MATN1: variants seen among roughly 807,000 people sequenced by gnomAD.
MATN1 encodes matrilin 1.
A neutral mutation model predicts 41.3 loss-of-function variants in MATN1; 34 were observed. The ratio of observed to expected loss-of-function variants is 0.82; its 90% CI spans 0.63 to 1.10. The LOEUF is 1.10. Ranked by LOEUF, MATN1 falls within the 50% of genes least tolerant of loss-of-function variation. The pLI is 0.00. For synonymous variants in MATN1, 264 were observed against 278.7 expected, an observed-to-expected ratio of 0.95 and a Z score of 0.53; for missense variants, 602 against 662.4, an observed-to-expected ratio of 0.91 and a Z score of 1.00.
chr1:30,716,728 G>A (rs2124153708), intron 4 of MATN1, 62 bp downstream of exon 4: 1 of 1,589,316 alleles, frequency 6.3e-7, no homozygotes, highest in Non-Finnish European at 8.6e-7. Flanking sequence ...GGTTTCCTGG[G>A]GAGGCCCCAT....
chr1:30,718,773 A>T lies in MATN1; in HGVS notation c.626T>A (p.Ile209Asn), dbSNP rs775020233. Residue 209 changes from isoleucine (I) to asparagine (N), a missense_variant, in exon 3 of 8, where the codon ATC becomes AAC. By Grantham distance (149) the Ile-to-Asn change is moderately radical. Coordinates refer to ENST00000373765, the MANE Select transcript of MATN1 (RefSeq NM_002379.3). ...CTGGAACTTCCTGGACAGCTTCTCG[A>T]TGACGCTGTAGCTCTCCACGTAATC... Reference protein sequence around the residue: ...HVDYVESYSVIEKLSRKFQEA... With the variant: ...HVDYVESYSVNEKLSRKFQEA... 8 of 1,602,556 alleles carry T rather than the reference A, an allele frequency of 5.0e-6. No homozygotes were observed. In the South Asian group the frequency reaches 8.9e-5, roughly 18 times the overall value.
At chr1:30,717,731 T>C (rs1339456400) in intron 3 of MATN1, among the ~76,000 whole-genome samples, 2 of 145,560 alleles carry the variant, frequency 1.4e-5, no homozygotes, top group African/African-American at 5.1e-5. Flanking sequence ...CTCGGCTCAC[T>C]GCAAGCTCCG....
chr1:30,713,799 G>C (rs1639583341), intron 7 of MATN1, 168 bp from the exon 8 acceptor site: 3 of 657,836 alleles, frequency 4.6e-6, no homozygotes, highest in Non-Finnish European at 8.3e-6. Flanking sequence ...AACACAGCCA[G>C]TTACTGTGAG....
At position 30,721,759 on chromosome 1, in the gene MATN1, TGG is replaced by T; in HGVS notation, c.95-10_95-9del. 6.2e-7 allele frequency: 1 copy of T among 1,602,578 alleles called. No homozygotes were observed. Among genetic ancestry groups the T allele is most frequent in the Non-Finnish European group, 8.5e-7 (1 of 1,176,696 alleles). ...GCGTCCGGCAGAGATGGCCTGGGAGTGGGGCAGGAGGGGTAAGGCAGAGAGCA... is the reference window on the plus strand; with the variant it reads ...GCGTCCGGCAGAGATGGCCTGGGAGTGGCAGGAGGGGTAAGGCAGAGAGCA... On this transcript the variant is annotated splice_polypyrimidine_tract_variant and intron_variant, in intron 1 of 7. Coordinates refer to ENST00000373765, the MANE Select transcript of MATN1 (RefSeq NM_002379.3).
At position 30,717,642 on chromosome 1, in the gene MATN1, G is replaced by GTTT. The variant is rs751915676; in HGVS notation, c.665-730_665-728dup. On this transcript the variant is annotated intron_variant, in intron 3 of 7. Coordinates refer to ENST00000373765, the MANE Select transcript of MATN1 (RefSeq NM_002379.3). ...GGCTCTGTTGTTTTTTGTGTGTGCG[G>GTTT]TTTTTTTTTTTGTTTTGTTTTTTTT... Among the ~76,000 whole-genome samples the GTTT allele has an allele frequency of 8.6e-3, 950 of 109,832 alleles. 136 individuals carry two copies. Among genetic ancestry groups the GTTT allele is most frequent in the African/African-American group, 0.033 (762 of 22,964 alleles). 72.1% of individuals were successfully genotyped at this position (109,832 alleles called of 152,430 possible).
intron 4 of MATN1, 91 bp from the exon 5 acceptor site, chr1:30,716,416 T>G: frequency 1.5e-5 from 20 of 1,298,086 alleles, no homozygotes; most frequent in South Asian, 2.7e-5. Context: ...CACCAAGCTC[T>G]GTGCTGAGGA....
At chr1:30,715,547 T>C (rs1437132655) in intron 5 of MATN1, among the ~76,000 whole-genome samples, 65 of 152,226 alleles carry the variant, frequency 4.3e-4, no homozygotes, top group Non-Finnish European at 1.5e-4. Flanking sequence ...CAAGCTTCAT[T>C]TAACCCTAAT....
At chr1:30,722,703 A>G (rs1276908565) in intron 1 of MATN1, among the ~76,000 whole-genome samples, 1 of 152,184 alleles carries the variant, frequency 6.6e-6, no homozygotes, top group Non-Finnish European at 1.5e-5. Context: ...AGCAGAGCCA[A>G]TCCCAAAGAG....
At chr1:30,719,157 T>C in intron 2 of MATN1, 200 bp from the exon 3 acceptor site, 1 of 513,738 alleles carries the variant, frequency 1.9e-6, no homozygotes, top group Non-Finnish European at 3.4e-6. Flanking sequence ...TTCCATCTGC[T>C]TCGCCTCCCT....
chr1:30,721,302 C>A, intron 2 of MATN1, 103 bp downstream of exon 2: 1 of 1,168,580 alleles, frequency 8.6e-7, no homozygotes, highest in African/African-American at 1.5e-5. Context: ...GAAATGGCCA[C>A]CTCACGGGGC....
At chr1:30,722,079 G>A (rs528606557) in intron 1 of MATN1, among the ~76,000 whole-genome samples, 79 of 152,240 alleles carry the variant, frequency 5.2e-4, no homozygotes, top group Non-Finnish European at 9.7e-4. Flanking sequence ...CCAGCAGGGG[G>A]CCAGGCAAGC....
intron 2 of MATN1, chr1:30,719,454 C>A: frequency 6.4e-6 from 1 of 156,414 alleles, no homozygotes; most frequent in Non-Finnish European, 1.4e-5. Context: ...CTGTCCTTGT[C>A]CCGGTAAGAC....
At chr1:30,723,350 C>G in intron 1 of MATN1, 108 bp downstream of exon 1, 1 of 817,758 alleles carries the variant, frequency 1.2e-6, no homozygotes, top group East Asian at 3.3e-5. Flanking sequence ...CTGCTCCCTT[C>G]CCCATCCTGG....
At position 30,716,300 on chromosome 1, in the gene MATN1, C is replaced by T. The variant is rs1261655244; in HGVS notation, c.816G>A (p.Ser272=). ...CAATGAGGAAGACCAGGTCAGTGGC[C>T]GAGCTGCCACCACCACCACTGCAGA... ...CNVCSGGGGS[S]ATDLVFLIDG... is the part of the protein sequence containing the mutation. Residue 272 remains serine, a synonymous_variant, in exon 5 of 8, where the codon TCG becomes TCA. Transcript: ENST00000373765. The T allele has an allele frequency of 8.7e-6, 14 of 1,613,684 alleles. No homozygotes were observed. Among genetic ancestry groups the T allele is most frequent in the East Asian group, 4.5e-5 (2 of 44,894 alleles).
At chr1:30,713,708 T>C in intron 7 of MATN1, 77 bp from the exon 8 acceptor site, 1 of 1,107,962 alleles carries the variant, frequency 9.0e-7, no homozygotes, top group Non-Finnish European at 1.3e-6. Context: ...CTCAGGCCCC[T>C]GCAACACCCC....
chr1:30,713,473 C>A lies in MATN1; in HGVS notation c.*109G>T. 2.7e-6 allele frequency: 3 copies of A among 1,097,496 alleles called. No homozygotes were observed. The highest frequency in any genetic ancestry group is 4.0e-5 in the Admixed American group (2 of 49,956). The allele number at this position is 1,097,496 out of a possible 1,614,324, so 68.0% of individuals were successfully genotyped here. The stretch of plus-strand genomic sequence containing the variant: ...CCATTACACGCTCTCAATAGGCACA[C>A]CCAGACACACCCCCTCCCACCCCCG... On this transcript the variant is annotated 3_prime_UTR_variant, in exon 8 of 8. Transcript: ENST00000373765.
At chr1:30,713,855 G>A (rs978262751) in intron 7 of MATN1, 41 of 602,268 alleles carry the variant, frequency 6.8e-5, no homozygotes, top group Middle Eastern at 8.9e-4. Flanking sequence ...GACCTGCTGG[G>A]TTCCCCACCT....
rs77378218 is a variant in MATN1, at chr1:30,717,431, C to A, written c.665-516G>T. Among the ~76,000 whole-genome samples, 377 of 152,228 alleles carry A rather than the reference C, an allele frequency of 2.5e-3. 14 individuals are homozygous for A. In the East Asian group the frequency reaches 0.064, roughly 26 times the overall value. On this transcript the variant is annotated intron_variant, in intron 3 of 7. Transcript: ENST00000373765. ...CACATCCCAAAGACCCACACACACACCTCCCCTCCGAGAAGGGCTCTGAAC... is the reference window on the plus strand; with the variant it reads ...CACATCCCAAAGACCCACACACACAACTCCCCTCCGAGAAGGGCTCTGAAC...
At chr1:30,718,525 C>A (rs1434762538) in intron 3 of MATN1, 1 of 346,594 alleles carries the variant, frequency 2.9e-6, no homozygotes, top group Non-Finnish European at 5.0e-6. Flanking sequence ...TCCGCCTCCG[C>A]CCCCGGCTCC....
Sources: allele counts gnomAD v4.1 joint callset (sites outside exome capture counted in the v4.1 genomes callset), GRCh38; gene constraint gnomAD v4.1.1; transcripts MANE v1.5; gene names NCBI Gene and HGNC (gene_info 2026-07-23, HGNC 2026-07-21).